TRPM3: variants seen among roughly 807,000 people sequenced by gnomAD.
TRPM3 encodes the protein transient receptor potential cation channel subfamily M member 3.
A neutral mutation model predicts 181.2 loss-of-function variants in TRPM3; 77 were observed. The observed-to-expected ratio is 0.42, with a 90% confidence interval of 0.35 to 0.51. The LOEUF is 0.51. Ranked by LOEUF, TRPM3 falls within the 20% of genes least tolerant of loss-of-function variation. The pLI, the probability that TRPM3 is intolerant of heterozygous loss-of-function variation, is 0.01. For synonymous variants in TRPM3, 745 were observed against 796.4 expected, an observed-to-expected ratio of 0.94 and a Z score of 1.09; for missense variants, 1,759 against 2,196.7, an observed-to-expected ratio of 0.80 and a Z score of 3.98.
At chr9:71,119,009 G>A (rs1294018651) in intron 1 of TRPM3, among the ~76,000 whole-genome samples, 1 of 152,084 alleles carries the variant, frequency 6.6e-6, no homozygotes, top group Non-Finnish European at 1.5e-5. Flanking sequence ...ATCCATAGGA[G>A]AAACATACAA....
At chr9:71,208,465 G>C (rs1439074241) in intron 1 of TRPM3, among the ~76,000 whole-genome samples, 4 of 152,156 alleles carry the variant, frequency 2.6e-5, no homozygotes, top group Non-Finnish European at 5.9e-5. Flanking sequence ...TCCTGCAGTG[G>C]AACATTTACA....
At chr9:71,024,768 A>T (rs1369854940) in intron 1 of TRPM3, among the ~76,000 whole-genome samples, 1 of 152,248 alleles carries the variant, frequency 6.6e-6, no homozygotes, top group Non-Finnish European at 1.5e-5. Context: ...CAGCTCATTT[A>T]TCAGAGATGA....
At chr9:71,148,899 A>G in intron 1 of TRPM3, among the ~76,000 whole-genome samples, 1 of 152,198 alleles carries the variant, frequency 6.6e-6, no homozygotes, top group East Asian at 1.9e-4. Flanking sequence ...TAATATAAGT[A>G]TCAAAACTTA....
intron 5 of TRPM3, among the ~76,000 whole-genome samples, chr9:70,840,234 GA>G (rs1723193920): frequency 6.6e-6 from 1 of 152,108 alleles, no homozygotes; most frequent in Admixed American, 6.6e-5. Flanking sequence ...AAGAGCCTGA[GA>G]AATCTTAGGT....
intron 9 of TRPM3, among the ~76,000 whole-genome samples, chr9:70,662,825 A>C (rs1449773355): frequency 6.6e-6 from 1 of 152,204 alleles, no homozygotes; most frequent in Non-Finnish European, 1.5e-5. Context: ...TACAGAAAAC[A>C]GTATGTGGAT....
chr9:71,065,166 T>C (rs978603495), intron 1 of TRPM3, among the ~76,000 whole-genome samples: 1 of 152,084 alleles, frequency 6.6e-6, no homozygotes, highest in Non-Finnish European at 1.5e-5. Flanking sequence ...TGCCACAAAG[T>C]TGAGTTTTAT....
chr9:71,054,721 T>A (rs192710584), intron 1 of TRPM3, among the ~76,000 whole-genome samples: 488 of 152,186 alleles, frequency 3.2e-3, no homozygotes, highest in African/African-American at 0.011. Flanking sequence ...CTAGAGAAGA[T>A]GCTTTGGATA....
chr9:71,008,100 C>T (rs556251220), intron 1 of TRPM3, among the ~76,000 whole-genome samples: 1 of 151,674 alleles, frequency 6.6e-6, no homozygotes, highest in African/African-American at 2.4e-5. Flanking sequence ...ACAACTGATA[C>T]CACAAAATAG....
intron 7 of TRPM3, among the ~76,000 whole-genome samples, chr9:70,777,031 T>C (rs1268346565): frequency 2.2e-5 from 3 of 135,906 alleles, no homozygotes; most frequent in Non-Finnish European, 3.3e-5. Context: ...ATTTGGATTT[T>C]TGTTGTTGTT....
chr9:71,379,433 C>A (rs1369992607), intron 1 of TRPM3, among the ~76,000 whole-genome samples: 3 of 152,036 alleles, frequency 2.0e-5, no homozygotes, highest in Non-Finnish European at 4.4e-5. Context: ...AATTCTGTCA[C>A]CAAAGCCACT....
At chr9:70,696,710 A>G (rs971279266) in intron 8 of TRPM3, among the ~76,000 whole-genome samples, 2 of 152,230 alleles carry the variant, frequency 1.3e-5, no homozygotes, top group African/African-American at 4.8e-5. Flanking sequence ...TTTGTTTAAT[A>G]TATCTGAAAG....
At chr9:70,655,646 T>C (rs1202008871) in intron 9 of TRPM3, among the ~76,000 whole-genome samples, 1 of 152,144 alleles carries the variant, frequency 6.6e-6, no homozygotes, top group African/African-American at 2.4e-5. Flanking sequence ...TTTCTACAAT[T>C]TTATGTTTAA....
At chr9:70,819,652 A>C (rs1588809709) in intron 6 of TRPM3, among the ~76,000 whole-genome samples, 1 of 152,224 alleles carries the variant, frequency 6.6e-6, no homozygotes. Flanking sequence ...ATCAATTAAT[A>C]TTGCAAAATA....
At chr9:70,807,385 T>C (rs2090930620) in intron 6 of TRPM3, among the ~76,000 whole-genome samples, 3 of 152,192 alleles carry the variant, frequency 2.0e-5, no homozygotes, top group Admixed American at 2.0e-4. Context: ...TTTATGCCCA[T>C]GAATTGGAAG....
chr9:71,110,600 C>A (rs543608313), intron 1 of TRPM3, among the ~76,000 whole-genome samples: 5 of 152,274 alleles, frequency 3.3e-5, no homozygotes, highest in African/African-American at 1.2e-4. Flanking sequence ...CAGTTACATT[C>A]TGGCCTTTTA....
At chr9:71,152,960 C>G (rs954566934) in intron 1 of TRPM3, among the ~76,000 whole-genome samples, 1 of 152,104 alleles carries the variant, frequency 6.6e-6, no homozygotes, top group East Asian at 1.9e-4. Context: ...GTAAAGTCAG[C>G]ATAATGTTAA....
At chr9:71,234,059 G>A (rs1321923375) in intron 1 of TRPM3, among the ~76,000 whole-genome samples, 1 of 152,180 alleles carries the variant, frequency 6.6e-6, no homozygotes, top group Admixed American at 6.5e-5. Context: ...TGGCTGTGTG[G>A]TTCTGGCTTA....
At chr9:71,002,858 C>G (rs923696781) in intron 1 of TRPM3, among the ~76,000 whole-genome samples, 1 of 152,082 alleles carries the variant, frequency 6.6e-6, no homozygotes, top group African/African-American at 2.4e-5. Context: ...AACCACAATG[C>G]TAACATCGCA....
intron 1 of TRPM3, among the ~76,000 whole-genome samples, chr9:71,191,326 T>A (rs1360097079): frequency 1.3e-5 from 2 of 151,886 alleles, no homozygotes; most frequent in Non-Finnish European, 1.5e-5. Context: ...ATTTGCTTTT[T>A]GTCTATAAAG....
Sources: allele counts gnomAD v4.1 joint callset (sites outside exome capture counted in the v4.1 genomes callset), GRCh38; gene constraint gnomAD v4.1.1; transcripts MANE v1.5; gene names NCBI Gene and HGNC (gene_info 2026-07-23, HGNC 2026-07-21).